MACROD2: variants seen among roughly 807,000 people sequenced by gnomAD.
MACROD2 encodes the protein mono-ADP ribosylhydrolase 2.
Under a neutral mutation model 70.4 loss-of-function variants are expected in MACROD2, and 36 were observed. The observed-to-expected ratio is 0.51, with a 90% CI of 0.39 to 0.68. The LOEUF (loss-of-function observed/expected upper bound fraction) is 0.68. MACROD2 is among the 30% of genes least tolerant of loss of function. The pLI is 0.00. For missense variants in MACROD2, 496 were observed against 538.4 expected (o/e 0.92, Z 0.78); for synonymous variants, 172 against 178.8 (o/e 0.96, Z 0.30).
intron 3 of MACROD2, among the ~76,000 whole-genome samples, chr20:14,123,525 G>T (rs2054609882): frequency 6.6e-6 from 1 of 152,150 alleles, no homozygotes; most frequent in Non-Finnish European, 1.5e-5. Flanking sequence ...AAATCTTGCA[G>T]TGCGGCATAC....
intron 4 of MACROD2, among the ~76,000 whole-genome samples, chr20:14,579,127 C>CTTT (rs71190141): frequency 0.011 from 804 of 74,366 alleles, 12 homozygotes; most frequent in African/African-American, 0.012. Flanking sequence ...GTATCCAATT[C>CTTT]TTTTTTTTTT....
intron 6 of MACROD2, among the ~76,000 whole-genome samples, chr20:15,293,981 G>A (rs572972810): frequency 2.6e-5 from 4 of 152,046 alleles, no homozygotes; most frequent in East Asian, 1.9e-4. Flanking sequence ...TTAGCTGGGC[G>A]TGGTGATGGG....
chr20:15,239,297 A>G (rs746780207), intron 6 of MACROD2, among the ~76,000 whole-genome samples: 1 of 151,958 alleles, frequency 6.6e-6, no homozygotes, highest in Non-Finnish European at 1.5e-5. Flanking sequence ...TAAAAAATTT[A>G]AAATAAAAAC....
intron 5 of MACROD2, among the ~76,000 whole-genome samples, chr20:15,038,226 A>G (rs2075329089): frequency 6.6e-6 from 1 of 152,232 alleles, no homozygotes; most frequent in Non-Finnish European, 1.5e-5. Flanking sequence ...GAAAATAGAA[A>G]TTATAAGATT....
At chr20:14,437,594 CA>C (rs2084071707) in intron 3 of MACROD2, among the ~76,000 whole-genome samples, 1 of 151,428 alleles carries the variant, frequency 6.6e-6, no homozygotes, top group South Asian at 2.1e-4. Context: ...AACTCCATCT[CA>C]AAAAAAAATT....
At chr20:14,920,103 T>C (rs2074143331) in intron 5 of MACROD2, among the ~76,000 whole-genome samples, 2 of 152,120 alleles carry the variant, frequency 1.3e-5, no homozygotes, top group Admixed American at 6.5e-5. Context: ...TGAGATAAAG[T>C]ATATGAATTA....
At chr20:15,568,444 ACAGTGTGTGTCAACACCGTTGGCTGCT>A in intron 8 of MACROD2, among the ~76,000 whole-genome samples, 1 of 152,306 alleles carries the variant, frequency 6.6e-6, no homozygotes, top group Middle Eastern at 3.4e-3. Context: ...CCTATGTCTA[ACAGTGTGTGTCAACACCGTTGGCTGCT>A]CAGTGACCTA....
At chr20:14,543,459 C>T (rs1234036154) in intron 4 of MACROD2, among the ~76,000 whole-genome samples, 1 of 152,168 alleles carries the variant, frequency 6.6e-6, no homozygotes, top group Non-Finnish European at 1.5e-5. Flanking sequence ...TTTTACTCTA[C>T]ACTTTTTAAG....
intron 4 of MACROD2, among the ~76,000 whole-genome samples, chr20:14,552,381 C>T (rs1978717348): frequency 6.6e-6 from 1 of 150,568 alleles, no homozygotes; most frequent in Admixed American, 6.7e-5. Flanking sequence ...AGAAAAGTAG[C>T]AAATGACCAC....
chr20:14,365,530 T>C (rs977228517), intron 3 of MACROD2, among the ~76,000 whole-genome samples: 10 of 152,038 alleles, frequency 6.6e-5, no homozygotes, highest in African/African-American at 2.4e-4. Context: ...GCTAAAGGTT[T>C]GTTAGTTTTG....
At chr20:15,959,055 A>G (rs2066020504) in intron 12 of MACROD2, among the ~76,000 whole-genome samples, 1 of 152,226 alleles carries the variant, frequency 6.6e-6, no homozygotes, top group Admixed American at 6.5e-5. Context: ...ATCTATTATA[A>G]TAATTTCTAG....
chr20:15,994,103 T>G (rs944430306), intron 15 of MACROD2, among the ~76,000 whole-genome samples: 1 of 152,208 alleles, frequency 6.6e-6, no homozygotes, highest in Non-Finnish European at 1.5e-5. Context: ...TATTTGTTAT[T>G]GTTCACTATT....
intron 3 of MACROD2, among the ~76,000 whole-genome samples, chr20:14,344,464 A>G (rs2083044924): frequency 6.6e-6 from 1 of 152,184 alleles, no homozygotes; most frequent in Admixed American, 6.5e-5. Flanking sequence ...TATTAACTAG[A>G]CTCACTTAGT....
chr20:16,006,637 A>T (rs1397241837), intron 15 of MACROD2, among the ~76,000 whole-genome samples: 1 of 152,126 alleles, frequency 6.6e-6, no homozygotes, highest in Non-Finnish European at 1.5e-5. Context: ...TGTGTGAAGC[A>T]CAGATTGTTG....
At chr20:15,134,951 C>G (rs1162104166) in intron 5 of MACROD2, among the ~76,000 whole-genome samples, 1 of 152,142 alleles carries the variant, frequency 6.6e-6, no homozygotes, top group South Asian at 2.1e-4. Flanking sequence ...CGCAAATAAA[C>G]TAGAAAATCT....
At chr20:14,403,280 T>G (rs1243964754) in intron 3 of MACROD2, among the ~76,000 whole-genome samples, 1 of 152,168 alleles carries the variant, frequency 6.6e-6, no homozygotes, top group Admixed American at 6.5e-5. Flanking sequence ...TTTTCATTAA[T>G]TAAGGAAAAA....
chr20:15,253,779 C>G (rs1198134477), intron 6 of MACROD2, among the ~76,000 whole-genome samples: 3 of 152,204 alleles, frequency 2.0e-5, no homozygotes, highest in Non-Finnish European at 4.4e-5. Flanking sequence ...ATCGACTGAG[C>G]TACATCCACA....
rs369945874 is a variant in MACROD2, at chr20:15,021,277, C to T, written c.419-208663C>T. On this transcript the variant is annotated intron_variant, in intron 5 of 17. Transcript: ENST00000684519. The stretch of plus-strand genomic sequence containing the variant: ...ATACACACACCTGTGTGTGTGTATA[C>T]GCACACCTGTGTGTGTGTATATGCA... Among the ~76,000 whole-genome samples the T allele has an allele frequency of 3.3e-4, 44 of 132,776 alleles. 9 individuals are homozygous for T. In the South Asian group the frequency reaches 4.7e-3, roughly 14 times the overall value. The allele number at this position is 132,776 out of a possible 152,430, so 87.1% of individuals were successfully genotyped here.
intron 8 of MACROD2, among the ~76,000 whole-genome samples, chr20:15,839,181 G>A (rs973160878): frequency 6.6e-6 from 1 of 152,100 alleles, no homozygotes; most frequent in Non-Finnish European, 1.5e-5. Flanking sequence ...ATCTCTTCAT[G>A]AAGAGAAGAA....
Sources: allele counts gnomAD v4.1 joint callset (sites outside exome capture counted in the v4.1 genomes callset), GRCh38; gene constraint gnomAD v4.1.1; transcripts MANE v1.5; gene names NCBI Gene and HGNC (gene_info 2026-07-23, HGNC 2026-07-21).